The following ADIPOR2 variants were observed in gnomAD, a reference collection of about 807,000 sequenced individuals.
ADIPOR2 encodes adiponectin receptor 2, also known as adiponectin receptor protein 2.
Under a neutral mutation model 40.9 loss-of-function variants are expected in ADIPOR2, and 18 were observed. The observed-to-expected ratio is 0.44, with a 90% CI of 0.30 to 0.65. The LOEUF (loss-of-function observed/expected upper bound fraction) is 0.65. Ranked by LOEUF, ADIPOR2 falls within the 30% of genes least tolerant of loss-of-function variation. ADIPOR2 has a pLI of 0.09. For synonymous variants in ADIPOR2, 165 were observed against 166.4 expected (o/e 0.99, Z 0.06); for missense variants, 283 against 479.2 (o/e 0.59, Z 3.82).
At chr12:1,720,639 C>T (rs956067101) in intron 1 of ADIPOR2, among the ~76,000 whole-genome samples, 16 of 152,068 alleles carry the variant, frequency 1.1e-4, no homozygotes, top group East Asian at 3.9e-4. Flanking sequence ...TTACAGGAGG[C>T]GGAGCTCAGG....
At chr12:1,702,417 A>G (rs1404156843) in intron 1 of ADIPOR2, among the ~76,000 whole-genome samples, 8 of 152,144 alleles carry the variant, frequency 5.3e-5, no homozygotes, top group Non-Finnish European at 1.2e-4. Context: ...TTTTAGCACT[A>G]GAGTATGAGA....
intron 1 of ADIPOR2, among the ~76,000 whole-genome samples, chr12:1,737,615 C>T (rs1051364877): frequency 1.3e-5 from 2 of 152,172 alleles, no homozygotes; most frequent in African/African-American, 4.8e-5. Context: ...CAGAGTCTCA[C>T]TCTGTCACCC....
chr12:1,755,991 C>T (rs1410651136), intron 2 of ADIPOR2, among the ~76,000 whole-genome samples: 1 of 151,982 alleles, frequency 6.6e-6, no homozygotes, highest in Non-Finnish European at 1.5e-5. Context: ...GGAACAGCAG[C>T]TGGGGGAAGA....
intron 1 of ADIPOR2, among the ~76,000 whole-genome samples, chr12:1,705,385 T>C (rs2094660104): frequency 6.6e-6 from 1 of 152,208 alleles, no homozygotes; most frequent in Non-Finnish European, 1.5e-5. Flanking sequence ...TGAGCATCTC[T>C]AATCCAAAAA....
intron 1 of ADIPOR2, among the ~76,000 whole-genome samples, chr12:1,707,530 T>A (rs2094665929): frequency 6.6e-6 from 1 of 152,176 alleles, no homozygotes; most frequent in Non-Finnish European, 1.5e-5. Flanking sequence ...GTTGATGTGA[T>A]CCTGGCTCAC....
chr12:1,733,851 T>G (rs2094725260), intron 1 of ADIPOR2, among the ~76,000 whole-genome samples: 1 of 148,044 alleles, frequency 6.8e-6, no homozygotes, highest in Non-Finnish European at 1.5e-5. Flanking sequence ...AGTGAGAACA[T>G]GTGGTGTTTG....
At chr12:1,747,909 G>A (rs2094759264) in intron 1 of ADIPOR2, among the ~76,000 whole-genome samples, 1 of 152,002 alleles carries the variant, frequency 6.6e-6, no homozygotes, top group African/African-American at 2.4e-5. Flanking sequence ...GGATGTCCTT[G>A]CCTTTCTCTG....
At chr12:1,720,777 T>A (rs2094696336) in intron 1 of ADIPOR2, among the ~76,000 whole-genome samples, 1 of 152,164 alleles carries the variant, frequency 6.6e-6, no homozygotes, top group African/African-American at 2.4e-5. Flanking sequence ...ACCCCTGCTG[T>A]ATAGGAGTTG....
chr12:1,705,435 C>T (rs1205467439), intron 1 of ADIPOR2, among the ~76,000 whole-genome samples: 7 of 152,154 alleles, frequency 4.6e-5, no homozygotes, highest in East Asian at 1.9e-4. Context: ...AACTATTCGA[C>T]GCCACAAGTG....
At chr12:1,778,745 G>GA (rs1555171939) in intron 4 of ADIPOR2, 1 of 152,114 alleles carries the variant, frequency 6.6e-6, no homozygotes, top group Non-Finnish European at 1.5e-5. Context: ...TCAAGAAAGT[G>GA]AAAAGACAAC....
Position 1,783,922 on chromosome 12 carries a change from T to C in ADIPOR2, c.881T>C (p.Leu294Ser), listed in dbSNP as rs1862777094. The C allele has an allele frequency of 6.2e-7, 1 of 1,613,542 alleles. No homozygotes were observed. Among genetic ancestry groups the C allele is most frequent in the South Asian group, 1.1e-5 (1 of 90,990 alleles). The stretch of plus-strand genomic sequence containing the variant: ...GGCCTGAGTGGAATCATTCCTACCT[T>C]GCACTATGTCATCTCGGAGGGGTTC... ...GLGLSGIIPT[L>S]HYVISEGFLK... is the part of the protein sequence containing the mutation. Residue 294 changes from leucine to serine, a missense_variant, in exon 7 of 8, where the codon TTG becomes TCG. Physicochemically the swap from Leu to Ser is moderately radical, Grantham distance 145. Coordinates refer to ENST00000357103, the MANE Select transcript of ADIPOR2 (RefSeq NM_024551.3).
intron 2 of ADIPOR2, among the ~76,000 whole-genome samples, chr12:1,767,581 T>C (rs536042671): frequency 6.6e-6 from 1 of 152,296 alleles, no homozygotes; most frequent in Middle Eastern, 3.4e-3. Flanking sequence ...ACATTTCCAA[T>C]TTCTAAAGTT....
At chr12:1,722,899 T>G (rs2094700614) in intron 1 of ADIPOR2, among the ~76,000 whole-genome samples, 1 of 152,188 alleles carries the variant, frequency 6.6e-6, no homozygotes, top group African/African-American at 2.4e-5. Flanking sequence ...AGATGCAGAG[T>G]ATTTTTCATT....
Position 1,780,383 on chromosome 12 carries a change from G to A in ADIPOR2, c.464-68G>A, listed in dbSNP as rs1474365771. 5 of 1,363,710 alleles carry A rather than the reference G, an allele frequency of 3.7e-6. No homozygotes were observed. In the African/African-American group the frequency reaches 7.5e-5, roughly 21 times the overall value. 84.5% of individuals were successfully genotyped at this position (1,363,710 alleles called of 1,614,324 possible). A position where few individuals can be genotyped will look rare whatever the true frequency, so the allele number is the denominator to read the frequency against. On this transcript the variant is annotated intron_variant, in intron 4 of 7. Transcript: ENST00000357103. ...TTGTAATGCAGAAGGATTGAAAACA[G>A]AATCAGTTATAATACTGTCTCTTCT...
intron 2 of ADIPOR2, among the ~76,000 whole-genome samples, chr12:1,769,939 A>G (rs1303478857): frequency 2.1e-5 from 3 of 140,794 alleles, no homozygotes; most frequent in Non-Finnish European, 4.6e-5. Flanking sequence ...TTTTTTTGAG[A>G]CAGGGTGTAG....
intron 1 of ADIPOR2, among the ~76,000 whole-genome samples, chr12:1,703,204 A>G (rs558670877): frequency 8.0e-4 from 122 of 152,388 alleles, no homozygotes; most frequent in African/African-American, 2.5e-3. Context: ...ACGTTGTGAC[A>G]TGAAAATGCC....
In ADIPOR2 at chr12:1,766,886, A is replaced by G. The variant is rs554953520; in HGVS notation, c.172-5956A>G. 6.6e-5 allele frequency among the ~76,000 whole-genome samples: 10 copies of G among 152,350 alleles called. No homozygotes were observed. In the South Asian group the frequency reaches 1.7e-3, roughly 25 times the overall value. The stretch of plus-strand genomic sequence containing the variant: ...ACCAAAATCAAGAATGCCACTATAT[A>G]ATAGTTTATTGTAAGAAAACTAACT... On this transcript the variant is annotated intron_variant, in intron 2 of 7. Coordinates refer to ENST00000357103, the MANE Select transcript of ADIPOR2 (RefSeq NM_024551.3).
chr12:1,785,119 T>A (rs974183081), intron 7 of ADIPOR2, among the ~76,000 whole-genome samples: 2 of 152,246 alleles, frequency 1.3e-5, no homozygotes, highest in African/African-American at 2.4e-5. Flanking sequence ...TTTCTTCTAG[T>A]TTTTGCTTCT....
chr12:1,712,448 C>T (rs749524328), intron 1 of ADIPOR2, among the ~76,000 whole-genome samples: 18 of 152,084 alleles, frequency 1.2e-4, no homozygotes, highest in Admixed American at 3.3e-4. Context: ...TGATATAAGA[C>T]GGCCACTGCT....
Sources: allele counts gnomAD v4.1 joint callset (sites outside exome capture counted in the v4.1 genomes callset), GRCh38; gene constraint gnomAD v4.1.1; transcripts MANE v1.5; gene names NCBI Gene and HGNC (gene_info 2026-07-23, HGNC 2026-07-21).